The following CDH12 variants were observed in gnomAD, a reference collection of about 807,000 sequenced individuals.
CDH12 encodes cadherin-12.
Under a neutral mutation model 74.1 loss-of-function variants are expected in CDH12, and 41 were observed. The observed-to-expected ratio is 0.55, with a 90% confidence interval of 0.43 to 0.72. CDH12 has a LOEUF of 0.72. CDH12 is among the 30% of genes least tolerant of loss of function. The pLI, the probability that CDH12 is intolerant of heterozygous loss-of-function variation, is 0.00. For synonymous variants in CDH12, 399 were observed against 355.0 expected, an observed-to-expected ratio of 1.12 and a Z score of -1.39; for missense variants, 945 against 977.2, an observed-to-expected ratio of 0.97 and a Z score of 0.44.
chr5:22,009,939 C>CAAAAAAAAAAAAAAAAA (rs774589642), intron 5 of CDH12, among the ~76,000 whole-genome samples: 2 of 54,340 alleles, frequency 3.7e-5, no homozygotes, highest in African/African-American at 1.1e-4. Context: ...GAAACTGTCT[C>CAAAAAAAAAAAAAAAAA]AAAAAAAAAA....
At chr5:21,844,550 G>T (rs1750055037) in intron 7 of CDH12, among the ~76,000 whole-genome samples, 1 of 152,148 alleles carries the variant, frequency 6.6e-6, no homozygotes, top group Non-Finnish European at 1.5e-5. Context: ...GCTAGAAGCA[G>T]CAGAGACATC....
intron 6 of CDH12, among the ~76,000 whole-genome samples, chr5:21,878,849 GAGAGAGAGAAAGAAAGAA>G (rs949118752): frequency 2.8e-5 from 4 of 143,904 alleles, no homozygotes; most frequent in African/African-American, 1.0e-4. Context: ...AAGAGAGGGA[GAGAGAGAGAAAGAAAGAA>G]AGAGAGAGAA....
chr5:22,374,813 C>T (rs1741450074), intron 3 of CDH12, among the ~76,000 whole-genome samples: 1 of 150,748 alleles, frequency 6.6e-6, no homozygotes, highest in Non-Finnish European at 1.5e-5. Context: ...GAAGAGAAAA[C>T]AAACATGGAA....
At chr5:22,260,879 G>T (rs1458269220) in intron 3 of CDH12, among the ~76,000 whole-genome samples, 1 of 151,856 alleles carries the variant, frequency 6.6e-6, no homozygotes, top group African/African-American at 2.4e-5. Context: ...TTGACTCATA[G>T]AATTATATTC....
At chr5:22,222,287 C>T (rs555368300) in intron 3 of CDH12, among the ~76,000 whole-genome samples, 27 of 152,020 alleles carry the variant, frequency 1.8e-4, no homozygotes, top group African/African-American at 5.5e-4. Context: ...TTTACCACAC[C>T]GGAACTATTT....
At position 22,355,523 on chromosome 5, in the gene CDH12, A is replaced by AAAT. The variant is rs149384377; in HGVS notation, c.-333+49733_-333+49734insATT. Among the ~76,000 whole-genome samples the AAAT allele has an allele frequency of 8.4e-3, 702 of 84,010 alleles. 7 individuals are homozygous for AAAT. The highest frequency in any genetic ancestry group is 0.023 in the African/African-American group (643 of 27,396). The allele number at this position is 84,010 out of a possible 152,430, so 55.1% of individuals were successfully genotyped here. ...GATATATATATTTCCTTAAAAAAAA[A>AAAT]ATATATATATATATATATAAAACTA... On this transcript the variant is annotated intron_variant, in intron 3 of 14. Transcript: ENST00000382254.
chr5:22,469,897 A>T (rs1246390110), intron 2 of CDH12, among the ~76,000 whole-genome samples: 1 of 152,204 alleles, frequency 6.6e-6, no homozygotes, highest in African/African-American at 2.4e-5. Flanking sequence ...TCCTGCCAGA[A>T]CTTCAGGATA....
At chr5:22,348,158 T>C (rs757793281) in intron 3 of CDH12, among the ~76,000 whole-genome samples, 1 of 152,166 alleles carries the variant, frequency 6.6e-6, no homozygotes, top group Admixed American at 6.5e-5. Context: ...ACAGCCCTGA[T>C]AGAGTCAGGA....
chr5:22,064,782 C>T (rs1410085635), intron 5 of CDH12, among the ~76,000 whole-genome samples: 7 of 152,084 alleles, frequency 4.6e-5, no homozygotes, highest in African/African-American at 1.7e-4. Flanking sequence ...GCTCAAGTAC[C>T]ACGTAAGTCA....
At chr5:22,489,127 G>A (rs1174535012) in intron 2 of CDH12, among the ~76,000 whole-genome samples, 8 of 112,110 alleles carry the variant, frequency 7.1e-5, no homozygotes, top group South Asian at 5.4e-4. Flanking sequence ...GCACGATCTC[G>A]GCTCACTGCA....
At chr5:22,086,768 C>T (rs1743095365) in intron 4 of CDH12, among the ~76,000 whole-genome samples, 1 of 151,726 alleles carries the variant, frequency 6.6e-6, no homozygotes, top group Admixed American at 6.6e-5. Context: ...AAAAAAGAAA[C>T]TCAACATGGG....
intron 4 of CDH12, among the ~76,000 whole-genome samples, chr5:22,150,377 C>G (rs1747485035): frequency 6.6e-6 from 1 of 152,010 alleles, no homozygotes; most frequent in African/African-American, 2.4e-5. Context: ...AAGTCAAGTG[C>G]ATAATATAAT....
intron 5 of CDH12, among the ~76,000 whole-genome samples, chr5:21,994,106 T>C (rs531173134): frequency 1.3e-5 from 2 of 151,570 alleles, no homozygotes; most frequent in Admixed American, 1.3e-4. Flanking sequence ...TGGTAATTAC[T>C]GTATTTTGTC....
intron 3 of CDH12, among the ~76,000 whole-genome samples, chr5:22,249,993 G>C (rs1338170566): frequency 6.6e-6 from 1 of 151,920 alleles, no homozygotes; most frequent in Non-Finnish European, 1.5e-5. Context: ...AACAAATTGA[G>C]CCTTAAACAA....
intron 3 of CDH12, among the ~76,000 whole-genome samples, chr5:22,279,947 G>A (rs1297517476): frequency 3.3e-5 from 5 of 152,098 alleles, no homozygotes; most frequent in African/African-American, 2.4e-5. Flanking sequence ...CTGAGGAATC[G>A]CCACACTATC....
intron 6 of CDH12, among the ~76,000 whole-genome samples, chr5:21,887,594 T>C (rs965313007): frequency 6.6e-6 from 1 of 152,172 alleles, no homozygotes; most frequent in Non-Finnish European, 1.5e-5. Context: ...AAATCAGCTA[T>C]CATTTTGCAC....
At chr5:22,813,115 C>T (rs115288686) in intron 1 of CDH12, among the ~76,000 whole-genome samples, 2,698 of 152,060 alleles carry the variant, frequency 0.018, 77 homozygotes, top group African/African-American at 0.062. Flanking sequence ...AAAGATCTCA[C>T]GACCTACTGA....
intron 1 of CDH12, among the ~76,000 whole-genome samples, chr5:22,621,746 T>G (rs971785645): frequency 7.9e-5 from 12 of 152,114 alleles, no homozygotes; most frequent in Non-Finnish European, 7.4e-5. Flanking sequence ...AAATTTTAAA[T>G]GCCATTTATA....
chr5:22,431,543 CCTT>C (rs1744172634), intron 2 of CDH12, among the ~76,000 whole-genome samples: 1 of 152,178 alleles, frequency 6.6e-6, no homozygotes, highest in South Asian at 2.1e-4. Context: ...AGAGTGGACT[CCTT>C]CTACTTATTA....
Sources: gnomAD v4.1 joint callset for allele counts (sites outside exome capture counted in the v4.1 genomes callset) on GRCh38, gnomAD v4.1.1 for gene constraint, MANE v1.5 for transcripts, NCBI Gene and HGNC (gene_info 2026-07-23, HGNC 2026-07-21) for gene names.